RAD52: variants seen among roughly 807,000 people sequenced by gnomAD.
RAD52 encodes DNA repair protein RAD52 homolog.
In RAD52, 47 loss-of-function variants were observed where a neutral mutation model predicts 55.5. That is an observed-to-expected ratio of 0.85 (90% CI 0.67 to 1.08). The LOEUF is 1.08. Among genes scored for constraint, RAD52 ranks in the 50% least tolerant of loss-of-function variants. RAD52 has a pLI of 0.00. For synonymous variants in RAD52, 184 were observed against 198.9 expected (o/e 0.92, Z 0.63); for missense variants, 468 against 522.8 (o/e 0.90, Z 1.02).
At chr12:921,930 A>AC (rs1190868119) in intron 7 of RAD52, among the ~76,000 whole-genome samples, 1 of 150,714 alleles carries the variant, frequency 6.6e-6, no homozygotes, top group Non-Finnish European at 1.5e-5. Context: ...ACATGGTGAA[A>AC]CCCCATCTCT....
Position 913,877 on chromosome 12 carries a change from A to AAACACCTC in RAD52, c.1195+9_1195+16dup. ...GGATCTCCCCTTAATTTTTGTGCCT[A>AAACACCTC]AACACCTCTCTGCTACCTGTTGTGC... On this transcript the variant is annotated intron_variant, in intron 11 of 11. Transcript: ENST00000358495. 1 of 1,607,282 alleles carries AAACACCTC rather than the reference A, an allele frequency of 6.2e-7. No homozygotes were observed. Among genetic ancestry groups the AAACACCTC allele is most frequent in the Non-Finnish European group, 8.5e-7 (1 of 1,173,838 alleles).
At chr12:981,630 G>C (rs1463400732) in intron 1 of RAD52, among the ~76,000 whole-genome samples, 2 of 151,778 alleles carry the variant, frequency 1.3e-5, no homozygotes, top group Admixed American at 1.3e-4. Flanking sequence ...GGTGGTGCGC[G>C]CCTGTAATCC....
At chr12:926,187 A>C (rs1379641574) in intron 6 of RAD52, among the ~76,000 whole-genome samples, 3 of 151,800 alleles carry the variant, frequency 2.0e-5, no homozygotes, top group African/African-American at 7.3e-5. Context: ...AGCTCATGAG[A>C]GATCTGGTGG....
chr12:928,764 CTATAA>C (rs1399522363), intron 5 of RAD52, among the ~76,000 whole-genome samples: 4 of 152,000 alleles, frequency 2.6e-5, no homozygotes, highest in Non-Finnish European at 4.4e-5. Flanking sequence ...TTAACAGTAG[CTATAA>C]TATAACTAAA....
At chr12:972,308 A>C (rs1468405216) in intron 1 of RAD52, among the ~76,000 whole-genome samples, 1 of 152,172 alleles carries the variant, frequency 6.6e-6, no homozygotes, top group Non-Finnish European at 1.5e-5. Flanking sequence ...ATAGTATATC[A>C]GGTGGAGAAA....
At chr12:955,177 A>AT (rs1364338760) in intron 1 of RAD52, among the ~76,000 whole-genome samples, 2 of 152,232 alleles carry the variant, frequency 1.3e-5, no homozygotes, top group Admixed American at 1.3e-4. Flanking sequence ...CAGAAATGAC[A>AT]TTTTCAATAG....
At chr12:926,007 A>G (rs1026457733) in intron 6 of RAD52, among the ~76,000 whole-genome samples, 5 of 152,084 alleles carry the variant, frequency 3.3e-5, no homozygotes, top group African/African-American at 1.2e-4. Context: ...ATTCACTTCA[A>G]TTCTCAAAGA....
upstream of RAD52, among the ~76,000 whole-genome samples, chr12:951,501 T>C (rs1385577233): frequency 6.6e-6 from 1 of 152,242 alleles, no homozygotes; most frequent in Admixed American, 6.5e-5. Flanking sequence ...TAACCCCTTA[T>C]TGGATATATG....
At chr12:981,464 A>G (rs1959014095) in intron 1 of RAD52, among the ~76,000 whole-genome samples, 1 of 152,210 alleles carries the variant, frequency 6.6e-6, no homozygotes, top group Admixed American at 6.6e-5. Flanking sequence ...CTGTGAATGT[A>G]TGAAACCAGG....
At chr12:979,864 G>A (rs1022353660) in intron 1 of RAD52, among the ~76,000 whole-genome samples, 2 of 152,032 alleles carry the variant, frequency 1.3e-5, no homozygotes, top group Non-Finnish European at 1.5e-5. Flanking sequence ...TGGCTAACAC[G>A]GTGAAACCCC....
intron 5 of RAD52, among the ~76,000 whole-genome samples, chr12:927,727 G>A (rs1046706840): frequency 1.4e-4 from 21 of 152,224 alleles, no homozygotes; most frequent in African/African-American, 4.8e-4. Flanking sequence ...TTAGCCGGGT[G>A]TGGTGGTGGG....
chr12:957,394 C>T (rs979236874), intron 1 of RAD52, among the ~76,000 whole-genome samples: 5 of 130,686 alleles, frequency 3.8e-5, no homozygotes, highest in East Asian at 2.5e-4. Context: ...GCCCGGGAGG[C>T]GGAGGAGGTT....
In RAD52 at chr12:912,252, C is replaced by T. The variant is rs944402094; in HGVS notation, c.*1139G>A. The stretch of plus-strand genomic sequence containing the variant: ...AAGTGGAAAATTCCACACGTGACCT[C>T]GTGTGACAAGTCGCAAAGCACCAGG... On this transcript the variant is annotated 3_prime_UTR_variant, in exon 12 of 12. Coordinates refer to ENST00000358495, the MANE Select transcript of RAD52 (RefSeq NM_134424.4). 5.1e-6 allele frequency: 1 copy of T among 196,558 alleles called. No homozygotes were observed. Among genetic ancestry groups the T allele is most frequent in the African/African-American group, 2.3e-5 (1 of 43,162 alleles). The allele number at this position is 196,558 out of a possible 1,614,324, so 12.2% of individuals were successfully genotyped here.
At chr12:979,210 T>G (rs1231346213) in intron 1 of RAD52, among the ~76,000 whole-genome samples, 1 of 151,472 alleles carries the variant, frequency 6.6e-6, no homozygotes, top group Non-Finnish European at 1.5e-5. Flanking sequence ...GAGGCCGAGG[T>G]GGGTGGACTG....
upstream of RAD52, among the ~76,000 whole-genome samples, chr12:951,290 T>A (rs1271442791): frequency 6.6e-6 from 1 of 152,114 alleles, no homozygotes; most frequent in Non-Finnish European, 1.5e-5. Flanking sequence ...TCTAAAATTT[T>A]TTTGTAGAGA....
At chr12:940,773 A>G (rs1957880366) in intron 1 of RAD52, among the ~76,000 whole-genome samples, 1 of 152,174 alleles carries the variant, frequency 6.6e-6, no homozygotes. Flanking sequence ...ACACCTAGAA[A>G]AGAATAGGAA....
At chr12:981,047 T>C (rs1286336386) in intron 1 of RAD52, among the ~76,000 whole-genome samples, 1 of 151,978 alleles carries the variant, frequency 6.6e-6, no homozygotes, top group Non-Finnish European at 1.5e-5. Context: ...ATCTAAATCA[T>C]AGCCAGGTGT....
At chr12:944,378 T>A (rs1361267162) in intron 1 of RAD52, among the ~76,000 whole-genome samples, 1 of 151,542 alleles carries the variant, frequency 6.6e-6, no homozygotes, top group Non-Finnish European at 1.5e-5. Context: ...TCGGGCATGG[T>A]GGAGCATGCC....
chr12:931,397 G>T, intron 2 of RAD52, 76 bp from the exon 3 acceptor site: 2 of 1,101,928 alleles, frequency 1.8e-6, no homozygotes, highest in Non-Finnish European at 2.6e-6. Context: ...CCTTTATGGA[G>T]ACTTTATACT....
Sources: allele counts gnomAD v4.1 joint callset (sites outside exome capture counted in the v4.1 genomes callset), GRCh38; gene constraint gnomAD v4.1.1; transcripts MANE v1.5; gene names NCBI Gene and HGNC (gene_info 2026-07-23, HGNC 2026-07-21).